GABRG3: variants seen among roughly 807,000 people sequenced by gnomAD.
The protein encoded by GABRG3 is gamma-aminobutyric acid receptor subunit gamma-3.
GABRG3 carries 25 observed loss-of-function variants against 48.8 expected under a neutral mutation model. That is an observed-to-expected ratio of 0.51 (90% confidence interval 0.37 to 0.72). The LOEUF (loss-of-function observed/expected upper bound fraction) is 0.72. Among genes scored for constraint, GABRG3 ranks in the 30% least tolerant of loss-of-function variants. GABRG3 has a pLI of 0.00. For missense variants in GABRG3, 394 were observed against 577.9 expected (o/e 0.68, Z 3.26); for synonymous variants, 227 against 217.6 (o/e 1.04, Z -0.38).
chr15:27,342,613 G>A (rs1228133489), intron 5 of GABRG3, among the ~76,000 whole-genome samples: 1 of 152,222 alleles, frequency 6.6e-6, no homozygotes, highest in Non-Finnish European at 1.5e-5. Context: ...CCCAAGGGAC[G>A]GGAAGGATGC....
At chr15:27,065,082 C>A (rs1034801123) in intron 3 of GABRG3, among the ~76,000 whole-genome samples, 1 of 152,150 alleles carries the variant, frequency 6.6e-6, no homozygotes, top group African/African-American at 2.4e-5. Context: ...TTGAGGCACC[C>A]CATTGCTTCC....
chr15:27,226,651 C>T (rs894493080), intron 3 of GABRG3, among the ~76,000 whole-genome samples: 3 of 152,238 alleles, frequency 2.0e-5, no homozygotes, highest in African/African-American at 4.8e-5. Context: ...GGGCACTATG[C>T]GGGGCAGTTG....
At chr15:27,172,348 T>G (rs1168436626) in intron 3 of GABRG3, among the ~76,000 whole-genome samples, 1 of 152,154 alleles carries the variant, frequency 6.6e-6, no homozygotes, top group African/African-American at 2.4e-5. Flanking sequence ...AGTGTGCTTG[T>G]CACTTAGTGG....
At chr15:27,317,965 T>G (rs973168585) in intron 3 of GABRG3, among the ~76,000 whole-genome samples, 1 of 152,078 alleles carries the variant, frequency 6.6e-6, no homozygotes. Context: ...AATCCCGAGT[T>G]TTTGCCATTG....
intron 2 of GABRG3, among the ~76,000 whole-genome samples, chr15:26,980,666 A>G (rs976304323): frequency 2.0e-5 from 3 of 149,682 alleles, no homozygotes; most frequent in Non-Finnish European, 4.5e-5. Flanking sequence ...GCCACAGAGC[A>G]AGACTCCTCT....
chr15:27,355,197 G>A (rs183804307), intron 5 of GABRG3, among the ~76,000 whole-genome samples: 1 of 152,302 alleles, frequency 6.6e-6, no homozygotes, highest in African/African-American at 2.4e-5. Context: ...TCTTTAGTCT[G>A]TAACCTCAAA....
intron 3 of GABRG3, among the ~76,000 whole-genome samples, chr15:27,260,897 C>T (rs1887613800): frequency 6.6e-6 from 1 of 151,994 alleles, no homozygotes; most frequent in South Asian, 2.1e-4. Context: ...CAGGTGTGCA[C>T]TGAGAGGTAT....
chr15:27,098,619 C>G (rs1897305516), intron 3 of GABRG3, among the ~76,000 whole-genome samples: 5 of 152,056 alleles, frequency 3.3e-5, no homozygotes, highest in Admixed American at 3.3e-4. Flanking sequence ...AGAGTTTGAG[C>G]CTTCCCTAAA....
intron 3 of GABRG3, among the ~76,000 whole-genome samples, chr15:27,200,043 T>TCC (rs1888629999): frequency 1.4e-5 from 2 of 145,924 alleles, no homozygotes; most frequent in Non-Finnish European, 3.0e-5. Flanking sequence ...CTCCCTCCCT[T>TCC]TCTCTCTTCC....
At chr15:26,986,284 G>C (rs1453096992) in intron 2 of GABRG3, among the ~76,000 whole-genome samples, 2 of 152,198 alleles carry the variant, frequency 1.3e-5, no homozygotes, top group African/African-American at 2.4e-5. Flanking sequence ...TGTGCTTGAA[G>C]TAAAAGCTAT....
rs183139336 is a variant in GABRG3 at position 27,429,361 on chromosome 15, G to T, written c.575-51289G>T. On this transcript the variant is annotated intron_variant, in intron 5 of 9. Transcript: ENST00000615808. ...CCTTCAGAGTTAGCAGAAGGGCTTG[G>T]ACTGGGCTCTAAGTCTCCCATAACC... Among the ~76,000 whole-genome samples the T allele has an allele frequency of 3.5e-4, 54 of 152,278 alleles. 1 individual carries two copies. In the East Asian group the frequency reaches 9.5e-3, roughly 27 times the overall value.
intron 3 of GABRG3, among the ~76,000 whole-genome samples, chr15:27,248,680 G>T (rs139737247): frequency 6.6e-6 from 1 of 151,944 alleles, no homozygotes; most frequent in East Asian, 1.9e-4. Context: ...TACTAAGAAT[G>T]CCTTAAAATA....
chr15:27,082,467 TC>T (rs2140745760), intron 3 of GABRG3, among the ~76,000 whole-genome samples: 1 of 152,256 alleles, frequency 6.6e-6, no homozygotes, highest in Admixed American at 6.5e-5. Flanking sequence ...CAAAAAAAAT[TC>T]TGCAGGCAAT....
intron 3 of GABRG3, among the ~76,000 whole-genome samples, chr15:27,256,419 C>A (rs372018562): frequency 7.3e-6 from 1 of 137,794 alleles, no homozygotes; most frequent in East Asian, 2.1e-4. Flanking sequence ...CCAGCCTGGG[C>A]GACAGAGCAA....
At chr15:27,244,218 G>A (rs148557442) in intron 3 of GABRG3, among the ~76,000 whole-genome samples, 33 of 152,298 alleles carry the variant, frequency 2.2e-4, no homozygotes, top group African/African-American at 7.7e-4. Flanking sequence ...ACTGAGCTGT[G>A]GGAGTTGTGG....
intron 3 of GABRG3, among the ~76,000 whole-genome samples, chr15:27,033,446 G>A (rs1896122391): frequency 6.6e-6 from 1 of 152,166 alleles, no homozygotes; most frequent in Admixed American, 6.5e-5. Context: ...AGCTAGCAAG[G>A]AAGTAAGTTG....
rs59023766 is a variant in GABRG3, at chr15:27,132,471, GTTT to G, written c.270+105677_270+105679del. On this transcript the variant is annotated intron_variant, in intron 3 of 9. Transcript: ENST00000615808. Reference sequence around the variant, plus strand: ...TGATTCAATCTTCCCAGTAGTTACAGTTTTTTTTTTTTTTTTTTTTTTTTTTTT... The same window carrying G: ...TGATTCAATCTTCCCAGTAGTTACAGTTTTTTTTTTTTTTTTTTTTTTTTT... Among the ~76,000 whole-genome samples the G allele has an allele frequency of 5.7e-3, 225 of 39,592 alleles. 5 individuals carry two copies. Among genetic ancestry groups the G allele is most frequent in the African/African-American group, 0.019 (214 of 11,316 alleles). 26.0% of individuals were successfully genotyped at this position (39,592 alleles called of 152,430 possible).
chr15:27,495,770 G>C lies in GABRG3; in HGVS notation c.712+14983G>C, dbSNP rs115101033. ...GTAATCACTTGTGAAAGCATTTTTT[G>C]AGGGCGACTTTAAAAATTCATGTAA... On this transcript the variant is annotated intron_variant, in intron 6 of 9. Coordinates refer to ENST00000615808, the MANE Select transcript of GABRG3 (RefSeq NM_033223.5). 9.4e-3 allele frequency among the ~76,000 whole-genome samples: 1,426 copies of C among 152,178 alleles called. 11 individuals carry two copies. Among genetic ancestry groups the C allele is most frequent in the Middle Eastern group, 0.031 (9 of 294 alleles).
intron 3 of GABRG3, among the ~76,000 whole-genome samples, chr15:27,320,487 G>T (rs527661627): frequency 1.3e-5 from 2 of 152,232 alleles, no homozygotes; most frequent in African/African-American, 4.8e-5. Flanking sequence ...GAAACCTGAG[G>T]CTTTTTCCAC....
Sources: allele counts gnomAD v4.1 joint callset (sites outside exome capture counted in the v4.1 genomes callset), GRCh38; gene constraint gnomAD v4.1.1; transcripts MANE v1.5; gene names NCBI Gene and HGNC (gene_info 2026-07-23, HGNC 2026-07-21).